KCNK9: variants seen among roughly 807,000 people sequenced by gnomAD.
The protein encoded by KCNK9 is potassium channel subfamily K member 9.
In KCNK9, 1 loss-of-function variant was observed where a neutral mutation model predicts 10.8. That is an observed-to-expected ratio of 0.09 (90% CI 0.03 to 0.44). KCNK9 has a LOEUF of 0.44. Among genes scored for constraint, KCNK9 ranks in the 20% least tolerant of loss-of-function variants. The pLI, the probability that KCNK9 is intolerant of heterozygous loss-of-function variation, is 0.97. For missense variants in KCNK9, 303 were observed against 515.0 expected (o/e 0.59, Z 3.98); for synonymous variants, 231 against 222.7 (o/e 1.04, Z -0.33).
At chr8:139,643,047 T>G (rs953225917) in intron 1 of KCNK9, among the ~76,000 whole-genome samples, 1 of 151,948 alleles carries the variant, frequency 6.6e-6, no homozygotes, top group South Asian at 2.1e-4. Flanking sequence ...CCAAGACCCA[T>G]GAGCCCCTGT....
At chr8:139,627,538 C>A (rs1815015196) in intron 1 of KCNK9, among the ~76,000 whole-genome samples, 1 of 152,172 alleles carries the variant, frequency 6.6e-6, no homozygotes, top group Admixed American at 6.5e-5. Context: ...AACATCCCGA[C>A]CCCGATCTCA....
chr8:139,637,127 A>T (rs1358762240), intron 1 of KCNK9, among the ~76,000 whole-genome samples: 6 of 152,246 alleles, frequency 3.9e-5, no homozygotes, highest in Admixed American at 6.5e-5. Context: ...GTGTGCATGT[A>T]CAAGGCATGT....
At chr8:139,671,103 C>T (rs1816416539) in intron 1 of KCNK9, among the ~76,000 whole-genome samples, 2 of 152,224 alleles carry the variant, frequency 1.3e-5, no homozygotes, top group African/African-American at 2.4e-5. Context: ...TATCAGTAAC[C>T]AGAAGGAAGC....
At chr8:139,660,109 T>C (rs1816114051) in intron 1 of KCNK9, among the ~76,000 whole-genome samples, 1 of 152,046 alleles carries the variant, frequency 6.6e-6, no homozygotes, top group Non-Finnish European at 1.5e-5. Flanking sequence ...AGAACTATTG[T>C]ATTTGTTTGC....
chr8:139,631,275 C>A (rs909042098), intron 1 of KCNK9, among the ~76,000 whole-genome samples: 4 of 152,254 alleles, frequency 2.6e-5, no homozygotes, highest in African/African-American at 9.6e-5. Flanking sequence ...ATAACGACTA[C>A]CAGATACTGT....
chr8:139,658,982 G>T (rs1034711651), intron 1 of KCNK9, among the ~76,000 whole-genome samples: 1 of 152,104 alleles, frequency 6.6e-6, no homozygotes, highest in Non-Finnish European at 1.5e-5. Context: ...GCCCAGGAAA[G>T]CTCCCAGAAG....
At chr8:139,681,980 G>A (rs1178299212) in intron 1 of KCNK9, among the ~76,000 whole-genome samples, 1 of 152,300 alleles carries the variant, frequency 6.6e-6, no homozygotes, top group African/African-American at 2.4e-5. Flanking sequence ...GTGGCACCAC[G>A]GGAACCAGAC....
At chr8:139,628,815 G>A (rs930968668) in intron 1 of KCNK9, among the ~76,000 whole-genome samples, 2 of 152,064 alleles carry the variant, frequency 1.3e-5, no homozygotes, top group African/African-American at 4.8e-5. Context: ...CAACATTCAC[G>A]AAGGCCTTTC....
intron 1 of KCNK9, among the ~76,000 whole-genome samples, chr8:139,658,229 C>A (rs1459862692): frequency 6.6e-6 from 1 of 152,194 alleles, no homozygotes; most frequent in Non-Finnish European, 1.5e-5. Context: ...CACCCACAGG[C>A]CTGAAGGGCT....
In KCNK9 at chr8:139,702,623, C is replaced by T. The variant is rs1817256339; in HGVS notation, c.283+87G>A. On this transcript the variant is annotated intron_variant, in intron 1 of 1. Transcript: ENST00000520439. This position sits in a 1 kb window ranked among gnomAD's most constrained non-coding sequence, Gnocchi z 7.5. ...GGAGGCTGCGTTTAACCCTCGACGC[C>T]CTGCACCCAGCCCGGCGCGGCGCGC... 1 of 1,409,006 alleles carries T rather than the reference C, an allele frequency of 7.1e-7. No homozygotes were observed. Among genetic ancestry groups the T allele is most frequent in the African/African-American group, 1.4e-5 (1 of 70,206 alleles). The allele number at this position is 1,409,006 out of a possible 1,614,324, so 87.3% of individuals were successfully genotyped here.
intron 1 of KCNK9, among the ~76,000 whole-genome samples, chr8:139,663,683 T>TGTGTGTGTGTGTGTGTGAG (rs1491113981): frequency 1.3e-5 from 1 of 74,414 alleles, no homozygotes; most frequent in Non-Finnish European, 2.6e-5. Context: ...GTGTGTGTGT[T>TGTGTGTGTGTGTGTGTGAG]AGAGAGAGAG....
chr8:139,693,742 G>T lies in KCNK9; in HGVS notation c.283+8968C>A, dbSNP rs1816986219. ...AGGTGTGGGAACAGGGCCTGAGCGGGGCTGGAGGATGAAAAGGGCTGCAAG... is the reference window on the plus strand; with the variant it reads ...AGGTGTGGGAACAGGGCCTGAGCGGTGCTGGAGGATGAAAAGGGCTGCAAG... On this transcript the variant is annotated intron_variant, in intron 1 of 1. Transcript: ENST00000520439. The surrounding 1 kb of genome is among the most constrained non-coding windows in gnomAD (Gnocchi z 4.1). 6.6e-6 allele frequency among the ~76,000 whole-genome samples: 1 copy of T among 152,178 alleles called. No homozygotes were observed. The highest frequency in any genetic ancestry group is 1.5e-5 in the Non-Finnish European group (1 of 68,032).
chr8:139,604,264 C>T (rs775216607), intron 2 of KCNK9, among the ~76,000 whole-genome samples: 26 of 152,198 alleles, frequency 1.7e-4, no homozygotes, highest in Non-Finnish European at 3.5e-4. Flanking sequence ...AGTCCCTGTC[C>T]TCTGCCCTGT....
At chr8:139,676,679 G>A (rs538073782) in intron 1 of KCNK9, among the ~76,000 whole-genome samples, 9 of 152,300 alleles carry the variant, frequency 5.9e-5, no homozygotes, top group Admixed American at 2.6e-4. Context: ...GGCCGAGCAC[G>A]GTGGCTCACA....
At position 139,670,203 on chromosome 8, in the gene KCNK9, G is replaced by A. The variant is rs10091040; in HGVS notation, c.283+32507C>T. Among the ~76,000 whole-genome samples, 1,251 of 152,296 alleles carry A rather than the reference G, an allele frequency of 8.2e-3. 13 individuals are homozygous for A. The highest frequency in any genetic ancestry group is 0.029 in the African/African-American group (1,186 of 41,564). On this transcript the variant is annotated intron_variant, in intron 1 of 1. Transcript: ENST00000520439. ...ATTTATCAATTAAGTGTGCCCTCTTGTACAGATGTGGTTCCTGGTGCCCCC... is the reference window on the plus strand; with the variant it reads ...ATTTATCAATTAAGTGTGCCCTCTTATACAGATGTGGTTCCTGGTGCCCCC...
At chr8:139,628,176 C>G (rs1439619731) in intron 1 of KCNK9, among the ~76,000 whole-genome samples, 1 of 152,114 alleles carries the variant, frequency 6.6e-6, no homozygotes, top group Non-Finnish European at 1.5e-5. Context: ...GAGAGTGAGG[C>G]GAGTGGGGGT....
intron 1 of KCNK9, among the ~76,000 whole-genome samples, chr8:139,691,462 T>C (rs1816932675): frequency 6.6e-6 from 1 of 152,230 alleles, no homozygotes; most frequent in South Asian, 2.1e-4. Context: ...TGTACAGTTG[T>C]TGATGGGAAC....
chr8:139,651,120 A>T (rs182649359), intron 1 of KCNK9, among the ~76,000 whole-genome samples: 76 of 152,216 alleles, frequency 5.0e-4, no homozygotes, highest in African/African-American at 1.7e-3. Context: ...TGCATTTTCC[A>T]TCCCCTTCTG....
At chr8:139,625,026 G>A (rs1463744137) in intron 1 of KCNK9, among the ~76,000 whole-genome samples, 2 of 152,156 alleles carry the variant, frequency 1.3e-5, no homozygotes, top group Non-Finnish European at 2.9e-5. Flanking sequence ...GTGCATCAGA[G>A]CACAATGAGA....
Sources: gnomAD v4.1 joint callset for allele counts (sites outside exome capture counted in the v4.1 genomes callset) on GRCh38, gnomAD v4.1.1 for gene constraint, Gnocchi (gnomAD v3.1) non-coding constraint, MANE v1.5 for transcripts, NCBI Gene and HGNC (gene_info 2026-07-23, HGNC 2026-07-21) for gene names.